Variants in IL17RC observed in about 807,000 individuals in gnomAD.
IL17RC encodes the protein interleukin 17 receptor C, also known as interleukin-17 receptor C.
A neutral mutation model predicts 86.7 loss-of-function variants in IL17RC; 53 were observed. The observed-to-expected ratio is 0.61, with a 90% CI of 0.49 to 0.77. The LOEUF (loss-of-function observed/expected upper bound fraction) is 0.77, where lower values mean the gene tolerates loss of function less well. Ranked by LOEUF, IL17RC falls within the 30% of genes least tolerant of loss-of-function variation. The pLI, the probability that IL17RC is intolerant of heterozygous loss-of-function variation, is 0.00. For synonymous variants in IL17RC, 439 were observed against 413.1 expected (o/e 1.06, Z -0.76); for missense variants, 957 against 940.0 (o/e 1.02, Z -0.24).
chr3:9,917,957 G>A lies in IL17RC; in HGVS notation c.162G>A (p.Val54=). ...TACTCTGCCTGCCTGGGGACATCGTGCCTGCTCCGGGCCCCGTGCTGGCGC... is the reference window on the plus strand; with the variant it reads ...TACTCTGCCTGCCTGGGGACATCGTACCTGCTCCGGGCCCCGTGCTGGCGC... The part of the protein sequence containing the change: ...SDILCLPGDI[V]PAPGPVLAPT... Residue 54 remains valine, a synonymous_variant, in exon 3 of 19, where the codon GTG becomes GTA. Coordinates refer to ENST00000403601, the MANE Select transcript of IL17RC (RefSeq NM_153460.4). 2 of 1,613,566 alleles carry A rather than the reference G, an allele frequency of 1.2e-6. No individual in the cohort carries two copies. Among genetic ancestry groups the A allele is most frequent in the Non-Finnish European group, 1.7e-6 (2 of 1,180,028 alleles).
At chr3:9,922,183 C>T (rs962190308) in intron 7 of IL17RC, among the ~76,000 whole-genome samples, 20 of 151,942 alleles carry the variant, frequency 1.3e-4, no homozygotes, top group Non-Finnish European at 4.4e-5. Flanking sequence ...GAACTCCTGA[C>T]CTCGTGATCC....
intron 12 of IL17RC, among the ~76,000 whole-genome samples, chr3:9,928,836 A>T (rs976685360): frequency 6.6e-6 from 1 of 152,228 alleles, no homozygotes; most frequent in African/African-American, 2.4e-5. Flanking sequence ...TTTAATGCAG[A>T]TGATAATACA....
intron 5 of IL17RC, among the ~76,000 whole-genome samples, chr3:9,919,379 T>TCA (rs1484169245): frequency 6.6e-6 from 1 of 152,138 alleles, no homozygotes; most frequent in Non-Finnish European, 1.5e-5. Flanking sequence ...GCACAGTGGT[T>TCA]CACACCTGTA....
In IL17RC at chr3:9,924,012, A is replaced by G. The variant is rs552836622; in HGVS notation, c.754A>G (p.Lys252Glu). The change falls in exon 8 of 19, where the codon AAA (lysine) becomes GAA (glutamate). Residue 252 changes from lysine to glutamate, a missense_variant. Coordinates refer to ENST00000403601, the MANE Select transcript of IL17RC (RefSeq NM_153460.4). Reference sequence around the variant, plus strand: ...GGGCCCCCCAAAACCCCGGTGGCACAAAAACCTGGTGAGGCCTCCCCCTTC... The same window carrying G: ...GGGCCCCCCAAAACCCCGGTGGCACGAAAACCTGGTGAGGCCTCCCCCTTC... ...VQGPPKPRWH[K>E]NLTGPQIITL... 15 of 1,613,732 alleles carry G rather than the reference A, an allele frequency of 9.3e-6. No individual in the cohort carries two copies. The East Asian group carries it at 3.3e-4, about 36-fold the overall frequency.
chr3:9,928,437 C>T lies in IL17RC; in HGVS notation c.1010C>T (p.Pro337Leu), dbSNP rs115419420. 56,027 of 1,607,348 alleles carry T rather than the reference C, an allele frequency of 0.035. 1,110 individuals are homozygous for T. The highest frequency in any genetic ancestry group is 0.041 in the Non-Finnish European group (47,990 of 1,179,026). ...ALCWRAPGGD[P>L]CQPLVPPLSW... Reference sequence around the variant, plus strand: ...TGCTGGCGGGCTCCGGGTGGGGACCCCTGCCAGCCACTGGTCCCACCGCTT... The same window carrying T: ...TGCTGGCGGGCTCCGGGTGGGGACCTCTGCCAGCCACTGGTCCCACCGCTT... Residue 337 changes from proline (P) to leucine (L), a missense_variant, in exon 11 of 19, where the codon CCC becomes CTC. Coordinates refer to ENST00000403601, the MANE Select transcript of IL17RC (RefSeq NM_153460.4).
At position 9,931,470 on chromosome 3, in the gene IL17RC, C is replaced by CATATATATAT. The variant is rs1553593529; in HGVS notation, c.1387+551_1387+560dup. ...TATATATTTCACACACACACACACA[C>CATATATATAT]ATATATATATATATATATATATATA... On this transcript the variant is annotated intron_variant, in intron 16 of 18. Transcript: ENST00000403601. 5.1e-3 allele frequency among the ~76,000 whole-genome samples: 221 copies of CATATATATAT among 43,512 alleles called. 1 individual carries two copies. Among genetic ancestry groups the CATATATATAT allele is most frequent in the South Asian group, 8.9e-3 (10 of 1,124 alleles). 28.5% of individuals were successfully genotyped at this position (43,512 alleles called of 152,430 possible).
At chr3:9,927,733 G>C (rs2084222467) in intron 9 of IL17RC, among the ~76,000 whole-genome samples, 1 of 152,216 alleles carries the variant, frequency 6.6e-6, no homozygotes, top group Non-Finnish European at 1.5e-5. Context: ...TTGAGGTCAG[G>C]AGTTCGAGAC....
chr3:9,932,472 C>G, intron 16 of IL17RC, 136 bp from the exon 17 acceptor site: 1 of 805,286 alleles, frequency 1.2e-6, no homozygotes, highest in Non-Finnish European at 2.2e-6. Context: ...GTGATCTGCC[C>G]GCCTCGGCCT....
Position 9,930,385 on chromosome 3 carries a change from C to T in IL17RC, c.1279-15C>T. 6.2e-7 allele frequency: 1 copy of T among 1,613,934 alleles called. No individual in the cohort carries two copies. Among genetic ancestry groups the T allele is most frequent in the Non-Finnish European group, 8.5e-7 (1 of 1,179,966 alleles). On this transcript the variant is annotated splice_polypyrimidine_tract_variant and intron_variant, in intron 14 of 18. Coordinates refer to ENST00000403601, the MANE Select transcript of IL17RC (RefSeq NM_153460.4). The surrounding 1 kb of genome is among the most constrained non-coding windows in gnomAD (Gnocchi z 5.8). ...TACCTCCAGGTAACAGTGCCCCCAT[C>T]CTTTGGCTTGGCAGAGGGCAGCTCG... is the stretch of plus-strand genomic sequence containing the variant.
At position 9,930,490 on chromosome 3, in the gene IL17RC, A is replaced by G; in HGVS notation, c.1338+31A>G. ...CTGGTGGAAGAAGGGCCCCACCTCA[A>G]TGCCTAGGGGCAACAGGCCTAAAAC... On this transcript the variant is annotated intron_variant, in intron 15 of 18. Coordinates refer to ENST00000403601, the MANE Select transcript of IL17RC (RefSeq NM_153460.4). The surrounding 1 kb of genome is among the most constrained non-coding windows in gnomAD (Gnocchi z 5.8). 3 of 1,606,548 alleles carry G rather than the reference A, an allele frequency of 1.9e-6. No homozygotes were observed. The highest frequency in any genetic ancestry group is 2.6e-6 in the Non-Finnish European group (3 of 1,173,682).
At position 9,920,926 on chromosome 3, in the gene IL17RC, C is replaced by T. The variant is rs1418080981; in HGVS notation, c.579C>T (p.Asp193=). ...KELNHTQQLP[D]CRGLEVWNSI... ...GGCTCTTCTGTGATCTCTCCTCAGA[C>T]TGCAGGGGGCTCGAAGTCTGGAACA... The change falls in exon 7 of 19, where the codon GAC becomes GAT. Residue 193 remains aspartate, a splice_region_variant and synonymous_variant. Transcript: ENST00000403601. 6.2e-7 allele frequency: 1 copy of T among 1,608,846 alleles called. No homozygotes were observed. The highest frequency in any genetic ancestry group is 8.5e-7 in the Non-Finnish European group (1 of 1,178,504).
intron 9 of IL17RC, among the ~76,000 whole-genome samples, chr3:9,925,920 C>T (rs1037408127): frequency 2.7e-5 from 4 of 150,876 alleles, no homozygotes; most frequent in Admixed American, 2.0e-4. Flanking sequence ...AGTGCAGTGG[C>T]ATGAACACGT....
rs199867449 is a variant in IL17RC, at chr3:9,924,216, T to G, written c.763-16T>G. The stretch of plus-strand genomic sequence containing the variant: ...TCCTTATCTTCTCCAACCTCCTTCC[T>G]TTATTTGTTCCACAGACTGGACCGC... On this transcript the variant is annotated splice_polypyrimidine_tract_variant and intron_variant, in intron 8 of 18. Transcript: ENST00000403601. The G allele has an allele frequency of 1.0e-4, 161 of 1,614,038 alleles. 3 individuals are homozygous for G. The South Asian group carries it at 1.3e-3, about 13-fold the overall frequency.
chr3:9,917,267 G>GT lies in IL17RC; in HGVS notation c.-49_-48insT, dbSNP rs758196774. 1.3e-6 allele frequency: 2 copies of GT among 1,495,842 alleles called. No individual in the cohort carries two copies. Among genetic ancestry groups the GT allele is most frequent in the Non-Finnish European group, 9.1e-7 (1 of 1,104,914 alleles). The allele number at this position is 1,495,842 out of a possible 1,614,324, so 92.7% of individuals were successfully genotyped here. A position where few individuals can be genotyped will look rare whatever the true frequency, so the allele number is the denominator to read the frequency against. ...GACTGGGGTGTCTGCCCCCCTTGGG[G>GT]GGGGGCAGCACAGGGCCTCAGGCCT... On this transcript the variant is annotated 5_prime_UTR_variant, in exon 1 of 19. Coordinates refer to ENST00000403601, the MANE Select transcript of IL17RC (RefSeq NM_153460.4).
At chr3:9,925,274 G>A (rs1249762673) in intron 9 of IL17RC, among the ~76,000 whole-genome samples, 4 of 151,806 alleles carry the variant, frequency 2.6e-5, no homozygotes, top group East Asian at 1.9e-4. Context: ...CTGCAACCAC[G>A]CCCAGCTAAT....
In IL17RC at chr3:9,917,264, G is replaced by GC. The variant is rs34605147; in HGVS notation, c.-52_-51insC. On this transcript the variant is annotated 5_prime_UTR_variant, in exon 1 of 19. Coordinates refer to ENST00000403601, the MANE Select transcript of IL17RC (RefSeq NM_153460.4). Reference sequence around the variant, plus strand: ...GCTGACTGGGGTGTCTGCCCCCCTTGGGGGGGGGCAGCACAGGGCCTCAGG... The same window carrying GC: ...GCTGACTGGGGTGTCTGCCCCCCTTGCGGGGGGGGCAGCACAGGGCCTCAGG... 7.7e-6 allele frequency: 10 copies of GC among 1,299,242 alleles called. No individual in the cohort carries two copies. In the Admixed American group the frequency reaches 1.1e-4, roughly 14 times the overall value. 80.5% of individuals were successfully genotyped at this position (1,299,242 alleles called of 1,614,324 possible). A position where few individuals can be genotyped will look rare whatever the true frequency, so the allele number is the denominator to read the frequency against.
intron 16 of IL17RC, among the ~76,000 whole-genome samples, chr3:9,931,679 G>T (rs1327430890): frequency 6.6e-6 from 1 of 151,418 alleles, no homozygotes; most frequent in Non-Finnish European, 1.5e-5. Context: ...GCTAATTTTT[G>T]TATTTTTAGT....
At chr3:9,919,364 G>A (rs941761166) in intron 5 of IL17RC, among the ~76,000 whole-genome samples, 7 of 151,936 alleles carry the variant, frequency 4.6e-5, no homozygotes, top group African/African-American at 1.7e-4. Context: ...AATAGTTCTG[G>A]CCGGGCACAG....
chr3:9,922,903 C>T lies in IL17RC; in HGVS notation c.623-978C>T, dbSNP rs375951966. 5.3e-3 allele frequency among the ~76,000 whole-genome samples: 806 copies of T among 152,102 alleles called. 9 individuals carry two copies. In the South Asian group the frequency reaches 0.056, roughly 11 times the overall value. Reference sequence around the variant, plus strand: ...GAAATAGTAAGGAGGGGGCCGGGCGCGGTGGCTCACGCCTGTAATCCCAGC... The same window carrying T: ...GAAATAGTAAGGAGGGGGCCGGGCGTGGTGGCTCACGCCTGTAATCCCAGC... On this transcript the variant is annotated intron_variant, in intron 7 of 18. Coordinates refer to ENST00000403601, the MANE Select transcript of IL17RC (RefSeq NM_153460.4).
Sources: gnomAD v4.1 joint callset for allele counts (sites outside exome capture counted in the v4.1 genomes callset) on GRCh38, gnomAD v4.1.1 for gene constraint, Gnocchi (gnomAD v3.1) non-coding constraint, MANE v1.5 for transcripts, NCBI Gene and HGNC (gene_info 2026-07-23, HGNC 2026-07-21) for gene names.